XKR4: variants seen among roughly 807,000 people sequenced by gnomAD.
XKR4 encodes XK-related protein 4.
In XKR4, 12 loss-of-function variants were observed where a neutral mutation model predicts 53.9. That is an observed-to-expected ratio of 0.22 (90% CI 0.14 to 0.36). The LOEUF is 0.36. Ranked by LOEUF, XKR4 falls within the 10% of genes least tolerant of loss-of-function variation. The pLI is 1.00. For missense variants in XKR4, 799 were observed against 859.5 expected (o/e 0.93, Z 0.88); for synonymous variants, 354 against 362.4 (o/e 0.98, Z 0.26).
intron 2 of XKR4, among the ~76,000 whole-genome samples, chr8:55,394,825 AGTT>A (rs1444840933): frequency 1.3e-5 from 2 of 152,138 alleles, no homozygotes; most frequent in Admixed American, 6.5e-5. Flanking sequence ...TGTGATTTAG[AGTT>A]CCCCAGCATC....
At chr8:55,468,634 T>A (rs1246205524) in intron 2 of XKR4, among the ~76,000 whole-genome samples, 1 of 152,164 alleles carries the variant, frequency 6.6e-6, no homozygotes, top group Non-Finnish European at 1.5e-5. Flanking sequence ...TTGGTTCAAA[T>A]CTCTCCTTTT....
intron 1 of XKR4, among the ~76,000 whole-genome samples, chr8:55,338,944 G>A (rs1021041839): frequency 2.0e-5 from 3 of 152,186 alleles, no homozygotes; most frequent in African/African-American, 7.2e-5. Flanking sequence ...GTTTAATGCA[G>A]CTGTTGACCA....
intron 1 of XKR4, among the ~76,000 whole-genome samples, chr8:55,178,519 T>C (rs1585922076): frequency 6.6e-6 from 1 of 152,236 alleles, no homozygotes; most frequent in East Asian, 1.9e-4. Flanking sequence ...ACAGATCTCC[T>C]GACCCCACCC....
chr8:55,478,005 C>T (rs1341658430), intron 2 of XKR4, among the ~76,000 whole-genome samples: 2 of 152,096 alleles, frequency 1.3e-5, no homozygotes, highest in African/African-American at 4.8e-5. Flanking sequence ...AGGAGAACTT[C>T]CCCAATCTAG....
intron 1 of XKR4, among the ~76,000 whole-genome samples, chr8:55,342,568 A>C (rs916260252): frequency 1.7e-4 from 25 of 149,018 alleles, no homozygotes; most frequent in African/African-American, 6.2e-4. Flanking sequence ...ACTGCCCCCC[A>C]CCGATCTGCT....
chr8:55,310,993 G>T, intron 1 of XKR4, among the ~76,000 whole-genome samples: 1 of 152,176 alleles, frequency 6.6e-6, no homozygotes, highest in East Asian at 1.9e-4. Context: ...CCCCACTGCA[G>T]CTGGTTATTA....
intron 2 of XKR4, among the ~76,000 whole-genome samples, chr8:55,464,236 T>C (rs1049193376): frequency 6.6e-6 from 1 of 152,094 alleles, no homozygotes; most frequent in Admixed American, 6.5e-5. Context: ...AATAAAATAC[T>C]GACAAACCAA....
chr8:55,131,205 C>T (rs1816550155), intron 1 of XKR4, among the ~76,000 whole-genome samples: 3 of 139,086 alleles, frequency 2.2e-5, no homozygotes, highest in Non-Finnish European at 4.7e-5. Context: ...TCTTGAGCCA[C>T]GCCTCAAATC....
chr8:55,319,193 T>C (rs370559152), intron 1 of XKR4, among the ~76,000 whole-genome samples: 1 of 152,116 alleles, frequency 6.6e-6, no homozygotes, highest in East Asian at 1.9e-4. Context: ...CTTATATTAC[T>C]TTTTTTTCCC....
At chr8:55,482,157 C>A (rs1488922575) in intron 2 of XKR4, among the ~76,000 whole-genome samples, 3 of 152,046 alleles carry the variant, frequency 2.0e-5, no homozygotes, top group Non-Finnish European at 4.4e-5. Flanking sequence ...AAATGTCCAA[C>A]AATGATAGAC....
At chr8:55,115,381 T>TACACACACACAC (rs34839811) in intron 1 of XKR4, among the ~76,000 whole-genome samples, 2 of 149,612 alleles carry the variant, frequency 1.3e-5, no homozygotes, top group Non-Finnish European at 3.0e-5. Context: ...GATAGGTGCA[T>TACACACACACAC]ACACACACAC....
chr8:55,286,348 C>A (rs1254394093), intron 1 of XKR4, among the ~76,000 whole-genome samples: 1 of 152,134 alleles, frequency 6.6e-6, no homozygotes, highest in Non-Finnish European at 1.5e-5. Flanking sequence ...ATGCACTTAG[C>A]CTTCAGGGCT....
Position 55,354,036 on chromosome 8 carries a change from C to A in XKR4, c.807-3642C>A, listed in dbSNP as rs1001854795. On this transcript the variant is annotated intron_variant, in intron 1 of 2. Transcript: ENST00000327381. ...AATTATCGAATTAAAATAGGCAGAG[C>A]AACTAGGTTGATAAAACTGAAGAAT... Among the ~76,000 whole-genome samples the A allele has an allele frequency of 3.3e-5, 5 of 152,122 alleles. No individual in the cohort carries two copies. The South Asian group carries it at 8.3e-4, about 25-fold the overall frequency.
intron 1 of XKR4, among the ~76,000 whole-genome samples, chr8:55,327,621 T>G (rs1161216837): frequency 6.6e-6 from 1 of 152,212 alleles, no homozygotes; most frequent in Non-Finnish European, 1.5e-5. Context: ...GAGCCATACT[T>G]GAATGAGACC....
intron 2 of XKR4, among the ~76,000 whole-genome samples, chr8:55,427,193 A>G (rs938242812): frequency 6.6e-6 from 1 of 152,244 alleles, no homozygotes; most frequent in Non-Finnish European, 1.5e-5. Context: ...ATGCTCTACT[A>G]TACATAGAAT....
chr8:55,175,467 A>C lies in XKR4; in HGVS notation c.806+72173A>C, dbSNP rs532620032. ...AAGTGAATGTTGACTAAATTTTTAA[A>C]TGCCCAGTTTTATAATTGAATATTC... On this transcript the variant is annotated intron_variant, in intron 1 of 2. Transcript: ENST00000327381. Among the ~76,000 whole-genome samples the C allele has an allele frequency of 7.2e-5, 11 of 152,344 alleles. No individual in the cohort carries two copies. In the South Asian group the frequency reaches 2.3e-3, roughly 32 times the overall value.
rs748566342 is a variant in XKR4 at position 55,523,424 on chromosome 8, G to A, written c.1150G>A (p.Ala384Thr). ...GTTCTGCTGGCACTTCTTCACCATC[G>A]CCGCCAGGGTCATCACGTTTGCCCT... Reference protein sequence around the residue: ...IQFCWHFFTIAARVITFALFA... With the variant: ...IQFCWHFFTITARVITFALFA... Residue 384 changes from alanine (A) to threonine (T), a missense_variant, in exon 3 of 3, where the codon GCC (alanine) becomes ACC (threonine). Transcript: ENST00000327381. 1 of 1,614,142 alleles carries A rather than the reference G, an allele frequency of 6.2e-7. No individual in the cohort carries two copies. Among genetic ancestry groups the A allele is most frequent in the Non-Finnish European group, 8.5e-7 (1 of 1,180,026 alleles).
At chr8:55,509,483 T>TTTG (rs1806591027) in intron 2 of XKR4, among the ~76,000 whole-genome samples, 1 of 152,188 alleles carries the variant, frequency 6.6e-6, no homozygotes, top group Admixed American at 6.5e-5. Flanking sequence ...CAAACAGAAT[T>TTTG]TTGTTATTTA....
chr8:55,300,894 A>T lies in XKR4; in HGVS notation c.807-56784A>T, dbSNP rs1157653981. Among the ~76,000 whole-genome samples the T allele has an allele frequency of 2.0e-5, 3 of 152,134 alleles. No homozygotes were observed. The East Asian group carries it at 5.8e-4, about 29-fold the overall frequency. On this transcript the variant is annotated intron_variant, in intron 1 of 2. Transcript: ENST00000327381. ...GAAGGCTCTACACTATAAGGCTAAG[A>T]GTAAAGGAGGATTATATTTTAATTT...
Sources: gnomAD v4.1 joint callset for allele counts (sites outside exome capture counted in the v4.1 genomes callset) on GRCh38, gnomAD v4.1.1 for gene constraint, MANE v1.5 for transcripts, NCBI Gene and HGNC (gene_info 2026-07-23, HGNC 2026-07-21) for gene names.